The following POM121 variants were observed in gnomAD, a reference collection of about 807,000 sequenced individuals.
POM121 encodes the protein POM121 transmembrane nucleoporin.
POM121 carries 32 observed loss-of-function variants against 81.3 expected under a neutral mutation model. The ratio of observed to expected loss-of-function variants is 0.39; its 90% CI spans 0.30 to 0.53. The LOEUF is 0.53. Ranked by LOEUF, POM121 falls within the 20% of genes least tolerant of loss-of-function variation. POM121 has a pLI of 0.66. For synonymous variants in POM121, 514 were observed against 694.2 expected (o/e 0.74, Z 4.08); for missense variants, 1,138 against 1,614.6 (o/e 0.70, Z 5.06).
At chr7:72,888,217 T>A (rs1232912614) in intron 1 of POM121, among the ~76,000 whole-genome samples, 1 of 152,182 alleles carries the variant, frequency 6.6e-6, no homozygotes, top group Non-Finnish European at 1.5e-5. Flanking sequence ...TGTTTTTGAT[T>A]TTCTTCCACC....
At chr7:72,903,108 CT>C (rs1448339227) in intron 3 of POM121, among the ~76,000 whole-genome samples, 2 of 151,884 alleles carry the variant, frequency 1.3e-5, no homozygotes, top group Admixed American at 6.6e-5. Flanking sequence ...TCTATAATAC[CT>C]TTTCCCCCCA....
At position 72,943,522 on chromosome 7, in the gene POM121, G is replaced by A; in HGVS notation, c.3529G>A (p.Gly1177Ser). The change falls in exon 11 of 13, where the codon GGC (glycine) becomes AGC (serine). Residue 1177 changes from glycine (G) to serine (S), a missense_variant and splice_region_variant. Transcript: ENST00000434423. Reference sequence around the variant, plus strand: ...AACTGAGAGCAAACCTGTGTTTGGAGGTAAGGAGGGGCGTGGACTTGGGCT... The same window carrying A: ...AACTGAGAGCAAACCTGTGTTTGGAAGTAAGGAGGGGCGTGGACTTGGGCT... ...STTESKPVFG[G>S]TATPTFGLNT... is the part of the protein sequence containing the mutation. The A allele has an allele frequency of 2.5e-6, 4 of 1,611,754 alleles. No homozygotes were observed. The highest frequency in any genetic ancestry group is 8.5e-7 in the Non-Finnish European group (1 of 1,179,744).
chr7:72,919,507 A>G (rs1428720393), intron 4 of POM121, among the ~76,000 whole-genome samples: 1 of 151,772 alleles, frequency 6.6e-6, no homozygotes, highest in Non-Finnish European at 1.5e-5. Flanking sequence ...ATTGTTTGAG[A>G]GTCTTGCTCT....
chr7:72,925,492 C>T lies in POM121; in HGVS notation c.371C>T (p.Thr124Ile), dbSNP rs1213496147. ...TANGNLLEPR[T>I]LLEGPDPAEL... ...AACGGAAACCTCCTAGAGCCGCGGACCCTGCTCGAAGGACCTGACCCTGCG... is the reference window on the plus strand; with the variant it reads ...AACGGAAACCTCCTAGAGCCGCGGATCCTGCTCGAAGGACCTGACCCTGCG... The change falls in exon 1 of 13, where the codon ACC becomes ATC. Residue 124 changes from threonine (T) to isoleucine (I), a missense_variant. Physicochemically the swap from Thr to Ile is moderately conservative, Grantham distance 89. Transcript: ENST00000434423. 1.3e-6 allele frequency: 2 copies of T among 1,533,702 alleles called. No homozygotes were observed. The highest frequency in any genetic ancestry group is 1.4e-5 in the African/African-American group (1 of 73,084).
intron 3 of POM121, among the ~76,000 whole-genome samples, chr7:72,907,909 T>TTG (rs1291012958): frequency 2.6e-5 from 4 of 152,180 alleles, no homozygotes; most frequent in Admixed American, 6.5e-5. Context: ...TGTTCTTTTT[T>TTG]TGTGTGTGTG....
chr7:72,941,187 C>T (rs1369507710), intron 10 of POM121, among the ~76,000 whole-genome samples, 194 bp downstream of exon 10: 4 of 150,822 alleles, frequency 2.7e-5, no homozygotes, highest in South Asian at 2.1e-4. Flanking sequence ...AGGGGTGCTG[C>T]GACGCTCAGG....
At chr7:72,926,549 C>T (rs556892676) in intron 2 of POM121, 72 bp downstream of exon 2, 1 of 1,598,940 alleles carries the variant, frequency 6.3e-7, no homozygotes, top group East Asian at 2.2e-5. Flanking sequence ...GTTCCTATGA[C>T]ATGACTACAA....
intron 3 of POM121, among the ~76,000 whole-genome samples, chr7:72,896,854 G>A (rs1554491798): frequency 6.6e-6 from 1 of 152,284 alleles, no homozygotes; most frequent in Non-Finnish European, 1.5e-5. Flanking sequence ...TAAGCACTGG[G>A]AATAAGACAG....
At chr7:72,919,982 C>T (rs1554495708) in intron 4 of POM121, among the ~76,000 whole-genome samples, 2 of 152,216 alleles carry the variant, frequency 1.3e-5, no homozygotes, top group East Asian at 3.9e-4. Flanking sequence ...TGATCTATAT[C>T]ATTGGTTTTG....
chr7:72,928,336 G>A (rs1419224238), intron 3 of POM121, 49 bp from the exon 4 acceptor site: 8 of 1,608,038 alleles, frequency 5.0e-6, no homozygotes, highest in Non-Finnish European at 6.0e-6. Context: ...ACTTTAAAGG[G>A]ACAAAAAAAG....
intron 1 of POM121, among the ~76,000 whole-genome samples, chr7:72,884,210 T>G (rs1489021573): frequency 6.6e-6 from 1 of 152,206 alleles, no homozygotes; most frequent in Non-Finnish European, 1.5e-5. Context: ...AGAATACTTT[T>G]CTAAAGATAA....
intron 3 of POM121, among the ~76,000 whole-genome samples, chr7:72,895,642 G>A (rs1313779925): frequency 1.3e-5 from 2 of 152,146 alleles, no homozygotes; most frequent in African/African-American, 2.4e-5. Context: ...CATTTAGGCC[G>A]GGCGCAGTGG....
chr7:72,887,195 C>A (rs1419561181), intron 1 of POM121, among the ~76,000 whole-genome samples: 1 of 152,132 alleles, frequency 6.6e-6, no homozygotes, highest in Non-Finnish European at 1.5e-5. Flanking sequence ...ATTGTACTAT[C>A]TGTAGAAGGT....
At chr7:72,938,718 T>C in intron 6 of POM121, 37 bp downstream of exon 6, 1 of 1,603,040 alleles carries the variant, frequency 6.2e-7, no homozygotes, top group Non-Finnish European at 8.5e-7. Flanking sequence ...ATTTGCTGCG[T>C]GGACAGGCGG....
upstream of POM121, among the ~76,000 whole-genome samples, chr7:72,920,537 G>C (rs544402096): frequency 5.3e-5 from 8 of 151,968 alleles, no homozygotes; most frequent in East Asian, 1.6e-3. Flanking sequence ...TGTATTTTTA[G>C]TAGAGACGGG....
chr7:72,921,099 G>A (rs1554495941), upstream of POM121, among the ~76,000 whole-genome samples: 1 of 152,112 alleles, frequency 6.6e-6, no homozygotes, highest in African/African-American at 2.4e-5. Context: ...CAGGAGAATC[G>A]CTTGAACCTG....
downstream of POM121, chr7:72,948,774 C>A (rs782755392): frequency 3.2e-6 from 5 of 1,582,582 alleles, no homozygotes; most frequent in Non-Finnish European, 4.3e-6. Context: ...GTGCTCAGGC[C>A]TCGGTGGGGC....
chr7:72,887,751 C>T (rs1190679740), intron 1 of POM121, among the ~76,000 whole-genome samples: 7 of 151,998 alleles, frequency 4.6e-5, no homozygotes, highest in East Asian at 3.9e-4. Flanking sequence ...TGCTGGATCC[C>T]GGGAGACAGA....
downstream of POM121, chr7:72,949,475 C>G (rs528211493): frequency 1.3e-4 from 211 of 1,578,450 alleles, 2 homozygotes; most frequent in South Asian, 2.1e-3. Flanking sequence ...GCATCCAGGT[C>G]AAAGGCAAAG....
Sources: allele counts gnomAD v4.1 joint callset (sites outside exome capture counted in the v4.1 genomes callset), GRCh38; gene constraint gnomAD v4.1.1; transcripts MANE v1.5; gene names NCBI Gene and HGNC (gene_info 2026-07-23, HGNC 2026-07-21).